Variants in PTPRA observed in about 807,000 individuals in gnomAD.
PTPRA encodes receptor-type tyrosine-protein phosphatase alpha.
In PTPRA, 25 loss-of-function variants were observed where a neutral mutation model predicts 104.8. The observed-to-expected ratio is 0.24, with a 90% CI of 0.17 to 0.33. The LOEUF is 0.33. Among genes scored for constraint, PTPRA ranks in the 10% least tolerant of loss-of-function variants. The pLI is 1.00. For synonymous variants in PTPRA, 323 were observed against 368.9 expected, an observed-to-expected ratio of 0.88 and a Z score of 1.43; for missense variants, 765 against 1,015.3, an observed-to-expected ratio of 0.75 and a Z score of 3.35.
At chr20:2,930,924 A>G (rs2060480498) in intron 2 of PTPRA, among the ~76,000 whole-genome samples, 1 of 152,166 alleles carries the variant, frequency 6.6e-6, no homozygotes, top group Admixed American at 6.6e-5. Context: ...GATATTTTCA[A>G]ATCTATTGTT....
At chr20:2,966,255 C>T (rs1297272002) in intron 5 of PTPRA, among the ~76,000 whole-genome samples, 2 of 152,222 alleles carry the variant, frequency 1.3e-5, no homozygotes, top group Non-Finnish European at 2.9e-5. Flanking sequence ...GTTTGAATCC[C>T]AGCTCTTCCA....
At chr20:3,013,508 G>T (rs1239248603) in intron 11 of PTPRA, among the ~76,000 whole-genome samples, 2 of 151,790 alleles carry the variant, frequency 1.3e-5, no homozygotes, top group Non-Finnish European at 2.9e-5. Context: ...TGCATCCGGG[G>T]TTCAAGCAAT....
intron 20 of PTPRA, among the ~76,000 whole-genome samples, chr20:3,029,843 A>T (rs6037456): frequency 0.028 from 4,200 of 152,162 alleles, 155 homozygotes; most frequent in African/African-American, 0.083. Context: ...ATCATCATTA[A>T]TAACAATACT....
chr20:2,965,033 A>G lies in PTPRA; in HGVS notation c.246A>G (p.Ser82=), dbSNP rs1396582052. 2 of 1,614,062 alleles carry G rather than the reference A, an allele frequency of 1.2e-6. No individual in the cohort carries two copies. The highest frequency in any genetic ancestry group is 3.3e-5 in the Admixed American group (2 of 60,000). Residue 82 remains serine (S), a synonymous_variant, in exon 5 of 24, where the codon TCA becomes TCG. Coordinates refer to ENST00000399903, the MANE Select transcript of PTPRA (RefSeq NM_001385305.1). ...GPTYLTTVNS[S]DSDNGTTRTA... ...CCTATTTAACCACTGTCAATTCTTCAGACTCTGACAATGGGACCACAAGAA... is the reference window on the plus strand; with the variant it reads ...CCTATTTAACCACTGTCAATTCTTCGGACTCTGACAATGGGACCACAAGAA...
intron 2 of PTPRA, among the ~76,000 whole-genome samples, chr20:2,928,137 GTTGT>G (rs1038067413): frequency 6.6e-6 from 1 of 151,984 alleles, no homozygotes; most frequent in African/African-American, 2.4e-5. Flanking sequence ...TGTTGTTGTT[GTTGT>G]TTGTTTGTTT....
chr20:3,002,322 A>ATTTTTTTTT (rs5839983), intron 9 of PTPRA, among the ~76,000 whole-genome samples: 1 of 116,932 alleles, frequency 8.6e-6, no homozygotes, highest in South Asian at 2.8e-4. Flanking sequence ...AAATGTAGTA[A>ATTTTTTTTT]TTTTTTTTTT....
intron 1 of PTPRA, among the ~76,000 whole-genome samples, chr20:2,879,339 A>G (rs540863503): frequency 3.3e-5 from 5 of 152,254 alleles, no homozygotes; most frequent in African/African-American, 1.2e-4. Context: ...TTGGGGTGGG[A>G]CTTGGGATTC....
At chr20:2,954,241 C>T (rs1221741624) in intron 3 of PTPRA, among the ~76,000 whole-genome samples, 1 of 151,844 alleles carries the variant, frequency 6.6e-6, no homozygotes, top group Non-Finnish European at 1.5e-5. Flanking sequence ...CCACGCCTGG[C>T]TAATTTTTTG....
In PTPRA at chr20:2,988,205, G is replaced by A; in HGVS notation, c.601+100G>A. 3.3e-6 allele frequency: 5 copies of A among 1,515,390 alleles called. No individual in the cohort carries two copies. In the Admixed American group the frequency reaches 1.0e-4, roughly 30 times the overall value. 93.9% of individuals were successfully genotyped at this position (1,515,390 alleles called of 1,614,324 possible). On this transcript the variant is annotated intron_variant, in intron 8 of 23. Transcript: ENST00000399903. ...TTAAAAGAATAAGACAATAAAAAGA[G>A]GAAAAAAGATTTTTGAAGAAAACAG... is the stretch of plus-strand genomic sequence containing the variant.
intron 12 of PTPRA, among the ~76,000 whole-genome samples, chr20:3,016,716 G>A (rs1392722494): frequency 6.6e-6 from 1 of 152,214 alleles, no homozygotes; most frequent in East Asian, 1.9e-4. Flanking sequence ...CTCCAGCCTG[G>A]GTGACAGAGT....
At chr20:2,967,847 C>T (rs1001283973) in intron 5 of PTPRA, among the ~76,000 whole-genome samples, 6 of 152,172 alleles carry the variant, frequency 3.9e-5, no homozygotes, top group Admixed American at 6.5e-5. Flanking sequence ...GGTGACAAAG[C>T]GAGACCATGT....
Position 2,986,774 on chromosome 20 carries a change from C to T in PTPRA, c.452C>T (p.Pro151Leu). Residue 151 changes from proline (P) to leucine (L), a missense_variant, in exon 7 of 24, where the codon CCA becomes CTA. Coordinates refer to ENST00000399903, the MANE Select transcript of PTPRA (RefSeq NM_001385305.1). ...SDSKDRRDET[P>L]IIAVMVALSS... ...GTTGTCTTGATTTCAGATGAGACAC[C>T]AATTATTGCGGTGATGGTGGCCCTG... 1 of 1,611,970 alleles carries T rather than the reference C, an allele frequency of 6.2e-7. No individual in the cohort carries two copies. The highest frequency in any genetic ancestry group is 8.5e-7 in the Non-Finnish European group (1 of 1,178,050).
Position 3,033,638 on chromosome 20 carries a change from A to T in PTPRA, c.1921-1947A>T, listed in dbSNP as rs868109965. ...TGTTTGAGGCCAGGTGCGGCAGCTCACGCCTGTAATCCCAGCACTTTGGGA... is the reference window on the plus strand; with the variant it reads ...TGTTTGAGGCCAGGTGCGGCAGCTCTCGCCTGTAATCCCAGCACTTTGGGA... On this transcript the variant is annotated intron_variant, in intron 20 of 23. Coordinates refer to ENST00000399903, the MANE Select transcript of PTPRA (RefSeq NM_001385305.1). Among the ~76,000 whole-genome samples, 11 of 152,272 alleles carry T rather than the reference A, an allele frequency of 7.2e-5. No homozygotes were observed. In the Middle Eastern group the frequency reaches 0.01, roughly 141 times the overall value.
In PTPRA at chr20:3,015,761, T is replaced by C; in HGVS notation, c.907-88T>C. ...TAAGTACCTGCACATTTTCAGGTTT[T>C]GTTAACTGGTTGGAGTCAGACTGGA... On this transcript the variant is annotated intron_variant, in intron 11 of 23. Coordinates refer to ENST00000399903, the MANE Select transcript of PTPRA (RefSeq NM_001385305.1). 5.3e-6 allele frequency: 6 copies of C among 1,132,114 alleles called. No individual in the cohort carries two copies. In the East Asian group the frequency reaches 1.4e-4, roughly 27 times the overall value. 70.1% of individuals were successfully genotyped at this position (1,132,114 alleles called of 1,614,324 possible).
At chr20:2,869,860 G>C (rs975132056), upstream of PTPRA, among the ~76,000 whole-genome samples, 5 of 151,988 alleles carry the variant, frequency 3.3e-5, no homozygotes, top group Non-Finnish European at 7.4e-5. Flanking sequence ...CCAGCTACTT[G>C]GGAGGCTGAG....
intron 11 of PTPRA, among the ~76,000 whole-genome samples, chr20:3,010,924 A>G (rs191535751): frequency 2.0e-4 from 30 of 152,368 alleles, no homozygotes; most frequent in Non-Finnish European, 2.5e-4. Context: ...CTAATGGCAA[A>G]GAAGAAAGGG....
chr20:2,871,041 A>C (rs2089421478), upstream of PTPRA, among the ~76,000 whole-genome samples: 1 of 152,062 alleles, frequency 6.6e-6, no homozygotes, highest in South Asian at 2.1e-4. Flanking sequence ...GCAGCTGAGG[A>C]GGGGGCTCTG....
Position 2,873,895 on chromosome 20 carries a change from C to T in PTPRA, c.-129+135C>T, listed in dbSNP as rs768303227. On this transcript the variant is annotated intron_variant, in intron 1 of 23. Coordinates refer to ENST00000399903, the MANE Select transcript of PTPRA (RefSeq NM_001385305.1). The surrounding 1 kb of genome is among the most constrained non-coding windows in gnomAD (Gnocchi z 4.4). Reference sequence around the variant, plus strand: ...TAAGCCATCTTTTCCGGGTAGAAGCCTGCGGGCGCCTGCAGGTTGATTGTG... The same window carrying T: ...TAAGCCATCTTTTCCGGGTAGAAGCTTGCGGGCGCCTGCAGGTTGATTGTG... 3 of 152,326 alleles carry T rather than the reference C, an allele frequency of 2.0e-5. No homozygotes were observed. The highest frequency in any genetic ancestry group is 4.4e-5 in the Non-Finnish European group (3 of 68,034). The allele number at this position is 152,326 out of a possible 1,614,324, so 9.4% of individuals were successfully genotyped here.
At chr20:2,889,941 T>C (rs540167493) in intron 1 of PTPRA, among the ~76,000 whole-genome samples, 1 of 152,220 alleles carries the variant, frequency 6.6e-6, no homozygotes, top group Non-Finnish European at 1.5e-5. Flanking sequence ...TGGTGTGCAG[T>C]GGTGCAATCA....
Sources: gnomAD v4.1 joint callset for allele counts (sites outside exome capture counted in the v4.1 genomes callset) on GRCh38, gnomAD v4.1.1 for gene constraint, Gnocchi (gnomAD v3.1) non-coding constraint, MANE v1.5 for transcripts, NCBI Gene and HGNC (gene_info 2026-07-23, HGNC 2026-07-21) for gene names.